CDH13: variants seen among roughly 807,000 people sequenced by gnomAD.
CDH13 encodes the protein cadherin 13.
CDH13 carries 24 observed loss-of-function variants against 63.8 expected under a neutral mutation model. The observed-to-expected ratio is 0.38, with a 90% CI of 0.27 to 0.53. The LOEUF (loss-of-function observed/expected upper bound fraction) is 0.53, where lower values mean the gene tolerates loss of function less well. Among genes scored for constraint, CDH13 ranks in the 20% least tolerant of loss-of-function variants. CDH13 has a pLI of 0.85. For missense variants in CDH13, 1,049 were observed against 903.1 expected (o/e 1.16, Z -2.07); for synonymous variants, 503 against 355.3 (o/e 1.42, Z -4.67).
intron 2 of CDH13, among the ~76,000 whole-genome samples, chr16:82,907,644 C>G (rs1012328077): frequency 6.6e-6 from 1 of 152,138 alleles, no homozygotes; most frequent in Admixed American, 6.5e-5. Context: ...ATGACAACAC[C>G]TGTGTTGCCT....
intron 4 of CDH13, among the ~76,000 whole-genome samples, chr16:83,139,176 G>C (rs968275927): frequency 6.6e-6 from 1 of 152,104 alleles, no homozygotes; most frequent in Non-Finnish European, 1.5e-5. Flanking sequence ...GGAGGTGGGC[G>C]AACAGGTTAT....
intron 1 of CDH13, among the ~76,000 whole-genome samples, chr16:82,752,835 T>G (rs1157665260): frequency 3.9e-5 from 6 of 152,194 alleles, no homozygotes; most frequent in Non-Finnish European, 8.8e-5. Flanking sequence ...ACCAATGACG[T>G]ATCATAGAAT....
At chr16:83,407,505 G>T (rs1190610143) in intron 6 of CDH13, among the ~76,000 whole-genome samples, 1 of 151,996 alleles carries the variant, frequency 6.6e-6, no homozygotes, top group Non-Finnish European at 1.5e-5. Flanking sequence ...TATGACTCTA[G>T]CTCAGAAAAA....
chr16:83,414,322 A>T (rs1343436278), intron 6 of CDH13, among the ~76,000 whole-genome samples: 2 of 152,206 alleles, frequency 1.3e-5, no homozygotes, highest in Non-Finnish European at 2.9e-5. Flanking sequence ...TGTGCAATTT[A>T]ATCTTTTAAA....
At chr16:83,701,971 C>G (rs909276908) in intron 10 of CDH13, among the ~76,000 whole-genome samples, 2 of 152,202 alleles carry the variant, frequency 1.3e-5, no homozygotes, top group African/African-American at 2.4e-5. Flanking sequence ...AGACCTCATT[C>G]TCTCCAGGTG....
intron 2 of CDH13, among the ~76,000 whole-genome samples, chr16:82,939,622 G>A (rs1216892662): frequency 6.6e-6 from 1 of 151,376 alleles, no homozygotes; most frequent in Non-Finnish European, 1.5e-5. Flanking sequence ...TGTAAAAATT[G>A]AATGTTAACA....
intron 5 of CDH13, among the ~76,000 whole-genome samples, chr16:83,248,379 G>C (rs1319595804): frequency 6.6e-6 from 1 of 152,120 alleles, no homozygotes; most frequent in Non-Finnish European, 1.5e-5. Flanking sequence ...CTATGCTCTT[G>C]GGAGCTTATC....
At chr16:83,192,751 A>G (rs1017662157) in intron 4 of CDH13, among the ~76,000 whole-genome samples, 37 of 152,122 alleles carry the variant, frequency 2.4e-4, no homozygotes, top group African/African-American at 8.9e-4. Context: ...CTATACAGAC[A>G]CTTTATCTTG....
intron 2 of CDH13, among the ~76,000 whole-genome samples, chr16:82,919,857 T>C (rs1360363152): frequency 2.0e-5 from 3 of 152,206 alleles, no homozygotes; most frequent in Non-Finnish European, 4.4e-5. Context: ...TTAGGAAATA[T>C]GCTAGAAAAC....
At position 83,120,185 on chromosome 16, in the gene CDH13, T is replaced by C. The variant is rs532212585; in HGVS notation, c.367-5200T>C. Among the ~76,000 whole-genome samples the C allele has an allele frequency of 3.3e-5, 5 of 152,286 alleles. 1 individual carries two copies. The highest frequency in any genetic ancestry group is 3.3e-4 in the Admixed American group (5 of 15,304). ...CCGAATCAGAGCTTCCTGCTTCTTT[T>C]CTTGGGCACTTTAGATCCACGGATT... On this transcript the variant is annotated intron_variant, in intron 3 of 13. Coordinates refer to ENST00000567109, the MANE Select transcript of CDH13 (RefSeq NM_001257.5).
At chr16:83,573,465 G>A (rs1904828562) in intron 7 of CDH13, among the ~76,000 whole-genome samples, 2 of 152,274 alleles carry the variant, frequency 1.3e-5, no homozygotes, top group South Asian at 4.1e-4. Flanking sequence ...ACAGTGACCA[G>A]CACTTGTGAC....
At chr16:82,736,972 C>A (rs772543444) in intron 1 of CDH13, among the ~76,000 whole-genome samples, 1 of 152,190 alleles carries the variant, frequency 6.6e-6, no homozygotes, top group African/African-American at 2.4e-5. Flanking sequence ...TATTCCTTTT[C>A]TGCCTCTCTG....
intron 8 of CDH13, among the ~76,000 whole-genome samples, chr16:83,645,810 A>G (rs565494245): frequency 7.2e-5 from 11 of 152,280 alleles, no homozygotes; most frequent in African/African-American, 2.4e-4. Flanking sequence ...CTGTAAATCT[A>G]GCACAGGCTT....
At chr16:83,415,864 C>A (rs372091155) in intron 6 of CDH13, among the ~76,000 whole-genome samples, 1 of 152,156 alleles carries the variant, frequency 6.6e-6, no homozygotes, top group South Asian at 2.1e-4. Flanking sequence ...TACTCACTGT[C>A]ACCAGTTCTA....
intron 6 of CDH13, among the ~76,000 whole-genome samples, chr16:83,422,247 TGTTGTA>T (rs2071737560): frequency 6.6e-6 from 1 of 152,218 alleles, no homozygotes; most frequent in Admixed American, 6.5e-5. Flanking sequence ...GTTTTGAAGA[TGTTGTA>T]TCATTGAACT....
At chr16:83,005,560 C>T (rs891510464) in intron 2 of CDH13, among the ~76,000 whole-genome samples, 4 of 152,130 alleles carry the variant, frequency 2.6e-5, no homozygotes, top group African/African-American at 9.7e-5. Context: ...TTGTGAAGGG[C>T]AAAGGAAATT....
intron 1 of CDH13, among the ~76,000 whole-genome samples, chr16:82,828,212 C>T (rs2038346546): frequency 6.6e-6 from 1 of 152,184 alleles, no homozygotes; most frequent in Admixed American, 6.5e-5. Context: ...TAGAGAAAAG[C>T]TTGGGCCGCA....
At chr16:83,126,047 G>A (rs1001312569) in intron 4 of CDH13, among the ~76,000 whole-genome samples, 9 of 152,106 alleles carry the variant, frequency 5.9e-5, no homozygotes, top group African/African-American at 9.7e-5. Flanking sequence ...GCCAAAATAC[G>A]GATACTGCCT....
chr16:83,775,288 A>G lies in CDH13; in HGVS notation c.1682-4680A>G, dbSNP rs1915031669. On this transcript the variant is annotated intron_variant, in intron 11 of 13. Transcript: ENST00000567109. ...CTGCGTGTCTGTGGACTCTTCAGGT[A>G]TATTTCTGAATGCAGGTGCGTTTCT... Among the ~76,000 whole-genome samples the G allele has an allele frequency of 1.3e-5, 2 of 151,800 alleles. 1 individual carries two copies. The highest frequency in any genetic ancestry group is 1.3e-4 in the Admixed American group (2 of 14,978).
Sources: allele counts gnomAD v4.1 joint callset (sites outside exome capture counted in the v4.1 genomes callset), GRCh38; gene constraint gnomAD v4.1.1; transcripts MANE v1.5; gene names NCBI Gene and HGNC (gene_info 2026-07-23, HGNC 2026-07-21).